The following CNTNAP5 variants were observed in gnomAD, a reference collection of about 807,000 sequenced individuals.
CNTNAP5 encodes the protein contactin-associated protein-like 5.
In CNTNAP5, 72 loss-of-function variants were observed where a neutral mutation model predicts 150.2. The observed-to-expected ratio is 0.48, with a 90% CI of 0.40 to 0.58. CNTNAP5 has a LOEUF of 0.58. Ranked by LOEUF, CNTNAP5 falls within the 20% of genes least tolerant of loss-of-function variation. The probability of loss-of-function intolerance (pLI) is 0.00; values close to 1 mark genes in which losing one functional copy is unlikely to be tolerated. For synonymous variants in CNTNAP5, 672 were observed against 619.8 expected, an observed-to-expected ratio of 1.08 and a Z score of -1.25; for missense variants, 1,636 against 1,626.2, an observed-to-expected ratio of 1.01 and a Z score of -0.10.
intron 3 of CNTNAP5, among the ~76,000 whole-genome samples, chr2:124,262,426 A>G (rs1266175508): frequency 2.0e-5 from 3 of 152,222 alleles, no homozygotes; most frequent in Admixed American, 6.5e-5. Context: ...AGAGTTTTCT[A>G]TGACAAGCGT....
intron 12 of CNTNAP5, among the ~76,000 whole-genome samples, chr2:124,636,488 C>T (rs1014137320): frequency 3.3e-5 from 5 of 152,082 alleles, no homozygotes; most frequent in African/African-American, 7.2e-5. Context: ...TGAAAGCACT[C>T]ATGAAAATTA....
rs574602535 is a variant in CNTNAP5 at position 124,481,070 on chromosome 2, G to A, written c.1062+6188G>A. Among the ~76,000 whole-genome samples the A allele has an allele frequency of 3.6e-4, 55 of 152,238 alleles. 2 individuals carry two copies. Among genetic ancestry groups the A allele is most frequent in the African/African-American group, 1.3e-3 (53 of 41,538 alleles). On this transcript the variant is annotated intron_variant, in intron 7 of 23. Coordinates refer to ENST00000682447, the MANE Select transcript of CNTNAP5 (RefSeq NM_001367498.1). The stretch of plus-strand genomic sequence containing the variant: ...AGGGAAATTTATTTCTCACAGCTCT[G>A]GAGGCTGGAAAGTCTGAGATCAGAG...
At chr2:124,324,634 G>A (rs1689173189) in intron 3 of CNTNAP5, among the ~76,000 whole-genome samples, 1 of 152,118 alleles carries the variant, frequency 6.6e-6, no homozygotes, top group Admixed American at 6.5e-5. Flanking sequence ...CTTTCCTTAA[G>A]GACTTTGATA....
At position 124,217,157 on chromosome 2, in the gene CNTNAP5, A is replaced by G. The variant is rs181193236; in HGVS notation, c.83-4548A>G. On this transcript the variant is annotated intron_variant, in intron 1 of 23. Transcript: ENST00000682447. ...TTGGAAAGTGATTCCTGGGAAATCA[A>G]TATAGTCTATCCCAAGTTGTGTGTC... Among the ~76,000 whole-genome samples, 20 of 152,322 alleles carry G rather than the reference A, an allele frequency of 1.3e-4. No homozygotes were observed. In the East Asian group the frequency reaches 3.9e-3, roughly 29 times the overall value.
intron 3 of CNTNAP5, among the ~76,000 whole-genome samples, chr2:124,274,676 C>T (rs931605158): frequency 6.6e-6 from 1 of 152,076 alleles, no homozygotes; most frequent in Non-Finnish European, 1.5e-5. Flanking sequence ...CTTCATACAA[C>T]CCACGTAAAC....
At position 124,056,504 on chromosome 2, in the gene CNTNAP5, G is replaced by T. The variant is rs145078090; in HGVS notation, c.82+30772G>T. Reference sequence around the variant, plus strand: ...AAAAAAAGAAAGGAAAAATTAGCCGGCTGTGGTGGTGGGCTCCTGTAATCC... The same window carrying T: ...AAAAAAAGAAAGGAAAAATTAGCCGTCTGTGGTGGTGGGCTCCTGTAATCC... On this transcript the variant is annotated intron_variant, in intron 1 of 23. Transcript: ENST00000682447. Among the ~76,000 whole-genome samples the T allele has an allele frequency of 6.5e-3, 993 of 152,246 alleles. 18 individuals are homozygous for T. Among genetic ancestry groups the T allele is most frequent in the African/African-American group, 0.023 (940 of 41,530 alleles).
At chr2:124,649,596 T>A in intron 13 of CNTNAP5, among the ~76,000 whole-genome samples, 1 of 152,206 alleles carries the variant, frequency 6.6e-6, no homozygotes, top group East Asian at 1.9e-4. Flanking sequence ...GCTGCCTCAC[T>A]GTCCCTGGCC....
intron 3 of CNTNAP5, among the ~76,000 whole-genome samples, chr2:124,373,969 C>A (rs1690589201): frequency 6.6e-6 from 1 of 151,876 alleles, no homozygotes; most frequent in African/African-American, 2.4e-5. Context: ...AATATATTTG[C>A]AGTGTGATAT....
At chr2:124,376,952 G>T (rs1404325138) in intron 3 of CNTNAP5, among the ~76,000 whole-genome samples, 1 of 152,054 alleles carries the variant, frequency 6.6e-6, no homozygotes, top group African/African-American at 2.4e-5. Context: ...TGATACCTAT[G>T]CATAGGCTTC....
In CNTNAP5 at chr2:124,139,086, TG is replaced by T. The variant is rs538114376; in HGVS notation, c.83-82616del. The stretch of plus-strand genomic sequence containing the variant: ...TCTTTTCATCCTGGAAATGAACCTG[TG>T]GGAATTATCCATTGTTTTATTTTGT... On this transcript the variant is annotated intron_variant, in intron 1 of 23. Coordinates refer to ENST00000682447, the MANE Select transcript of CNTNAP5 (RefSeq NM_001367498.1). 4.6e-5 allele frequency among the ~76,000 whole-genome samples: 7 copies of T among 152,242 alleles called. No individual in the cohort carries two copies. In the East Asian group the frequency reaches 1.4e-3, roughly 29 times the overall value.
chr2:124,190,260 G>A (rs1255711475), intron 1 of CNTNAP5, among the ~76,000 whole-genome samples: 2 of 152,160 alleles, frequency 1.3e-5, no homozygotes, highest in Non-Finnish European at 2.9e-5. Context: ...ACAATTGGTA[G>A]CAATGATGTT....
chr2:124,860,628 G>A (rs1677505671), intron 19 of CNTNAP5, among the ~76,000 whole-genome samples: 1 of 151,028 alleles, frequency 6.6e-6, no homozygotes, highest in African/African-American at 2.4e-5. Flanking sequence ...CTTACCATGG[G>A]CCAGACACTA....
chr2:124,445,877 C>G (rs906492150), intron 5 of CNTNAP5, among the ~76,000 whole-genome samples: 1 of 152,140 alleles, frequency 6.6e-6, no homozygotes, highest in African/African-American at 2.4e-5. Context: ...GACGCAAGTT[C>G]CTCAGGGGAA....
chr2:124,476,369 G>A (rs1693641399), intron 7 of CNTNAP5, among the ~76,000 whole-genome samples: 1 of 151,222 alleles, frequency 6.6e-6, no homozygotes, highest in South Asian at 2.1e-4. Context: ...AACCACAAGG[G>A]ATATGTTTGG....
rs148481224 is a variant in CNTNAP5, at chr2:124,682,453, C to T, written c.2077+34495C>T. ...GACTTTAAACAAAGTGTTGACTGTG[C>T]TCTAATAATGGTGCTTTTTTAATGG... is the stretch of plus-strand genomic sequence containing the variant. On this transcript the variant is annotated intron_variant, in intron 13 of 23. Transcript: ENST00000682447. Among the ~76,000 whole-genome samples, 16 of 152,060 alleles carry T rather than the reference C, an allele frequency of 1.1e-4. 1 individual carries two copies. Among genetic ancestry groups the T allele is most frequent in the South Asian group, 6.2e-4 (3 of 4,830 alleles).
chr2:124,165,118 T>A (rs966752684), intron 1 of CNTNAP5, among the ~76,000 whole-genome samples: 2 of 152,162 alleles, frequency 1.3e-5, no homozygotes, highest in African/African-American at 2.4e-5. Flanking sequence ...TACCCTGCAG[T>A]GGTGTTAGGA....
intron 19 of CNTNAP5, among the ~76,000 whole-genome samples, chr2:124,841,827 G>T (rs972548852): frequency 6.6e-6 from 1 of 152,098 alleles, no homozygotes; most frequent in African/African-American, 2.4e-5. Context: ...GTGAGCATGA[G>T]CTCCTTGTTA....
At chr2:124,097,460 T>C (rs77241390) in intron 1 of CNTNAP5, among the ~76,000 whole-genome samples, 3,600 of 152,276 alleles carry the variant, frequency 0.024, 149 homozygotes, top group African/African-American at 0.081. Flanking sequence ...ATGCATATTC[T>C]GAAAATACAG....
chr2:124,540,749 G>A (rs1695361895), intron 10 of CNTNAP5, among the ~76,000 whole-genome samples: 1 of 152,064 alleles, frequency 6.6e-6, no homozygotes, highest in African/African-American at 2.4e-5. Flanking sequence ...CAGGTGCTGG[G>A]TAGAAGCTGA....
Sources: gnomAD v4.1 joint callset for allele counts (sites outside exome capture counted in the v4.1 genomes callset) on GRCh38, gnomAD v4.1.1 for gene constraint, MANE v1.5 for transcripts, NCBI Gene and HGNC (gene_info 2026-07-23, HGNC 2026-07-21) for gene names.